Variants in SNX25 observed in about 807,000 individuals in gnomAD.
SNX25 encodes sorting nexin-25.
Under a neutral mutation model 113.7 loss-of-function variants are expected in SNX25, and 62 were observed. The ratio of observed to expected loss-of-function variants is 0.55; its 90% CI spans 0.44 to 0.67. The LOEUF is 0.67. Ranked by LOEUF, SNX25 falls within the 30% of genes least tolerant of loss-of-function variation. The pLI, the probability that SNX25 is intolerant of heterozygous loss-of-function variation, is 0.00. For missense variants in SNX25, 1,014 were observed against 1,161.0 expected (o/e 0.87, Z 1.84); for synonymous variants, 421 against 436.2 (o/e 0.97, Z 0.43).
chr4:185,350,753 T>C (rs1379599875), intron 13 of SNX25, among the ~76,000 whole-genome samples: 3 of 152,112 alleles, frequency 2.0e-5, no homozygotes, highest in African/African-American at 4.8e-5. Flanking sequence ...TCCCAGCTAC[T>C]TGGGAGGCTG....
intron 5 of SNX25, among the ~76,000 whole-genome samples, chr4:185,268,676 AG>A (rs35006946): frequency 6.6e-6 from 1 of 152,216 alleles, no homozygotes; most frequent in Non-Finnish European, 1.5e-5. Context: ...CTTTTGAACT[AG>A]GGTTAACATT....
At chr4:185,332,131 A>G (rs2095199739) in intron 9 of SNX25, among the ~76,000 whole-genome samples, 1 of 152,254 alleles carries the variant, frequency 6.6e-6, no homozygotes, top group Non-Finnish European at 1.5e-5. Context: ...GAAGGACTGA[A>G]CAAAGTATAT....
chr4:185,362,835 G>GA, intron 18 of SNX25, 124 bp downstream of exon 18: 46 of 390,734 alleles, frequency 1.2e-4, no homozygotes, highest in Non-Finnish European at 1.5e-4. Context: ...CATCTCCCTT[G>GA]ACTTTTTTTT....
chr4:185,362,857 T>C (rs1579945785), intron 18 of SNX25, 146 bp downstream of exon 18: 4 of 612,202 alleles, frequency 6.5e-6, no homozygotes, highest in South Asian at 2.1e-5. Context: ...TTTTTTTTTT[T>C]TTGAGACAGA....
At chr4:185,312,943 A>G (rs1235509524) in intron 7 of SNX25, among the ~76,000 whole-genome samples, 1 of 152,220 alleles carries the variant, frequency 6.6e-6, no homozygotes, top group African/African-American at 2.4e-5. Context: ...ATAAGACAGA[A>G]TTCCAATAGT....
intron 1 of SNX25, among the ~76,000 whole-genome samples, chr4:185,242,217 A>T (rs1394721339): frequency 6.6e-6 from 1 of 152,200 alleles, no homozygotes; most frequent in Non-Finnish European, 1.5e-5. Context: ...ACATAAACAT[A>T]GAAGATTTTT....
rs370297175 is a variant in SNX25 at position 185,245,594 on chromosome 4, C to G, written c.430-1700C>G. 1.4e-4 allele frequency among the ~76,000 whole-genome samples: 22 copies of G among 152,248 alleles called. No homozygotes were observed. In the East Asian group the frequency reaches 2.3e-3, roughly 16 times the overall value. On this transcript the variant is annotated intron_variant, in intron 1 of 18. Transcript: ENST00000652585. ...CCTCAAGTGATCCACCAGCCTCGGC[C>G]TCCCAAAGTGCTAGGATTATAAGCG...
At chr4:185,340,784 C>T (rs1402373659) in intron 11 of SNX25, among the ~76,000 whole-genome samples, 1 of 152,148 alleles carries the variant, frequency 6.6e-6, no homozygotes, top group Non-Finnish European at 1.5e-5. Flanking sequence ...AGGGTCTGTG[C>T]CCTGGCCGTC....
At chr4:185,351,685 A>C in intron 14 of SNX25, 76 bp downstream of exon 14, 1 of 1,456,014 alleles carries the variant, frequency 6.9e-7, no homozygotes, top group Non-Finnish European at 9.3e-7. Flanking sequence ...CATGGGGGGA[A>C]GCAAATCCCT....
At chr4:185,240,518 G>A (rs570286944) in intron 1 of SNX25, among the ~76,000 whole-genome samples, 2,313 of 149,192 alleles carry the variant, frequency 0.016, 28 homozygotes, top group Middle Eastern at 0.058. Context: ...TGGCTGGGCG[G>A]GGGGCTGACC....
chr4:185,282,236 A>G (rs1750701756), intron 5 of SNX25, among the ~76,000 whole-genome samples: 1 of 152,096 alleles, frequency 6.6e-6, no homozygotes, highest in African/African-American at 2.4e-5. Flanking sequence ...ATCTCAGCTC[A>G]CTGCAACCTC....
At chr4:185,319,083 T>A (rs1221017528) in intron 7 of SNX25, among the ~76,000 whole-genome samples, 2 of 102,222 alleles carry the variant, frequency 2.0e-5, no homozygotes, top group Non-Finnish European at 3.9e-5. Context: ...TCCCCTTTAT[T>A]TTATTTTATT....
intron 1 of SNX25, among the ~76,000 whole-genome samples, chr4:185,236,823 T>TTC (rs1406978019): frequency 2.4e-5 from 2 of 84,978 alleles, no homozygotes; most frequent in Admixed American, 2.6e-4. Flanking sequence ...GGTACTATTG[T>TTC]TATCTATTTT....
chr4:185,217,499 A>G (rs1232203941), intron 1 of SNX25, among the ~76,000 whole-genome samples: 1 of 152,182 alleles, frequency 6.6e-6, no homozygotes, highest in Non-Finnish European at 1.5e-5. Flanking sequence ...GATGTATCCT[A>G]GGAAAGTCTT....
chr4:185,375,363 G>GGATTTTATACT, the SNX25 span, among the ~76,000 whole-genome samples: 1 of 141,370 alleles, frequency 7.1e-6, no homozygotes, highest in South Asian at 2.3e-4. Context: ...GGCTGAGGCA[G>GGATTTTATACT]AAGAATCACT....
intron 1 of SNX25, among the ~76,000 whole-genome samples, chr4:185,242,048 T>A (rs1447211667): frequency 6.8e-6 from 1 of 146,092 alleles, no homozygotes; most frequent in Non-Finnish European, 1.5e-5. Flanking sequence ...AAATGATTAG[T>A]GGATTCTACC....
At chr4:185,355,154 A>G (rs1242081475) in intron 15 of SNX25, among the ~76,000 whole-genome samples, 2 of 152,244 alleles carry the variant, frequency 1.3e-5, no homozygotes. Flanking sequence ...CTCAGTATCT[A>G]CTACAATGCC....
chr4:185,378,127 A>G, the SNX25 span: 2 of 1,614,114 alleles, frequency 1.2e-6, no homozygotes, highest in South Asian at 1.1e-5. Context: ...TTTTAGCAGC[A>G]TACTGAGATA....
At chr4:185,378,483 C>T in the SNX25 span, 8 of 1,146,494 alleles carry the variant, frequency 7.0e-6, no homozygotes, top group South Asian at 2.0e-4. Context: ...TGGGTTTATA[C>T]ATCAAGATGG....
Sources: gnomAD v4.1 joint callset for allele counts (sites outside exome capture counted in the v4.1 genomes callset) on GRCh38, gnomAD v4.1.1 for gene constraint, MANE v1.5 for transcripts, NCBI Gene and HGNC (gene_info 2026-07-23, HGNC 2026-07-21) for gene names.